The following DLGAP3 variants were observed in gnomAD, a reference collection of about 807,000 sequenced individuals.
DLGAP3 encodes the protein disks large-associated protein 3.
DLGAP3 carries 17 observed loss-of-function variants against 81.2 expected under a neutral mutation model. The ratio of observed to expected loss-of-function variants is 0.21; its 90% CI spans 0.14 to 0.31. The LOEUF (loss-of-function observed/expected upper bound fraction) is 0.31. Ranked by LOEUF, DLGAP3 falls within the 10% of genes least tolerant of loss-of-function variation. The probability of loss-of-function intolerance (pLI) is 1.00; values close to 1 mark genes in which losing one functional copy is unlikely to be tolerated. For missense variants in DLGAP3, 1,124 were observed against 1,388.0 expected, an observed-to-expected ratio of 0.81 and a Z score of 3.02; for synonymous variants, 577 against 587.4, an observed-to-expected ratio of 0.98 and a Z score of 0.26.
At chr1:34,879,676 T>C (rs1425505810) in intron 8 of DLGAP3, among the ~76,000 whole-genome samples, 3 of 151,848 alleles carry the variant, frequency 2.0e-5, no homozygotes, top group Non-Finnish European at 4.4e-5. Flanking sequence ...AAAAAATTCA[T>C]TTGAAAACTA....
At position 34,892,891 on chromosome 1, in the gene DLGAP3, G is replaced by A. The variant is rs145755991; in HGVS notation, c.1387-6606C>T. Among the ~76,000 whole-genome samples, 188 of 152,238 alleles carry A rather than the reference G, an allele frequency of 1.2e-3. 3 individuals carry two copies. The highest frequency in any genetic ancestry group is 3.8e-3 in the African/African-American group (159 of 41,558). On this transcript the variant is annotated intron_variant, in intron 5 of 11. Coordinates refer to ENST00000373347, the MANE Select transcript of DLGAP3 (RefSeq NM_001080418.3). Reference sequence around the variant, plus strand: ...TTTTCATCAAAAACAATGAACACACGGCCGGGCGCGGTGGCTCACGCCTGT... The same window carrying A: ...TTTTCATCAAAAACAATGAACACACAGCCGGGCGCGGTGGCTCACGCCTGT...
chr1:34,872,544 C>G (rs1173920093), intron 8 of DLGAP3, among the ~76,000 whole-genome samples: 1 of 152,188 alleles, frequency 6.6e-6, no homozygotes, highest in Non-Finnish European at 1.5e-5. Flanking sequence ...ACATCCTCAT[C>G]CCCAGAACCC....
chr1:34,892,110 T>G (rs1032052400), intron 5 of DLGAP3, among the ~76,000 whole-genome samples: 2 of 152,068 alleles, frequency 1.3e-5, no homozygotes, highest in African/African-American at 4.8e-5. Context: ...GCTTAAAGAT[T>G]TAAAGGAAAG....
At chr1:34,885,213 G>A in intron 7 of DLGAP3, 150 bp from the exon 8 acceptor site, 2 of 849,736 alleles carry the variant, frequency 2.4e-6, no homozygotes, top group Non-Finnish European at 3.8e-6. Flanking sequence ...CCAGGCGGTC[G>A]GTCACAGGCC....
In DLGAP3 at chr1:34,900,130, G is replaced by C; in HGVS notation, c.1251C>G (p.Pro417=). The C allele has an allele frequency of 1.2e-6, 2 of 1,614,038 alleles. No homozygotes were observed. The highest frequency in any genetic ancestry group is 1.7e-6 in the Non-Finnish European group (2 of 1,180,026). Residue 417 remains proline (P), a synonymous_variant, in exon 4 of 12, where the codon CCC becomes CCG. Transcript: ENST00000373347. The surrounding 1 kb of genome is among the most constrained non-coding windows in gnomAD (Gnocchi z 5.6). ...GDSDGSPKTS[P]KAVARRFTTR... ...TGGTGAAGCGTCGGGCGACTGCTTT[G>C]GGAGATGTCTTGGGGCTGCCGTCTG...
chr1:34,905,478 T>C (rs2148413028), intron 2 of DLGAP3, 44 bp from the exon 3 acceptor site: 1 of 1,356,186 alleles, frequency 7.4e-7, no homozygotes, highest in South Asian at 1.5e-5. Context: ...AACAGCCCTC[T>C]TCACCTAAAA....
Position 34,905,344 on chromosome 1 carries a change from G to C in DLGAP3, c.40C>G (p.Pro14Ala). The change falls in exon 3 of 12, where the codon CCA (proline) becomes GCA (alanine). Residue 14 changes from proline to alanine, a missense_variant. Coordinates refer to ENST00000373347, the MANE Select transcript of DLGAP3 (RefSeq NM_001080418.3). The stretch of plus-strand genomic sequence containing the variant: ...TGCTGTTGGTCAGCAAAGCGGGCTG[G>C]GCGGGGATGGCTGCCTCGGTCGCCA... ...YHGDRGSHPRPARFADQQHMD... is the reference protein window; with the variant it reads ...YHGDRGSHPRAARFADQQHMD... The C allele has an allele frequency of 6.4e-7, 1 of 1,557,538 alleles. No individual in the cohort carries two copies.
In DLGAP3 at chr1:34,887,807, G is replaced by C. The variant is rs546771950; in HGVS notation, c.1387-1522C>G. Among the ~76,000 whole-genome samples, 90 of 152,330 alleles carry C rather than the reference G, an allele frequency of 5.9e-4. 1 individual carries two copies. The South Asian group carries it at 0.016, about 27-fold the overall frequency. Reference sequence around the variant, plus strand: ...AAGTTTGGGGGCCTCAGTTTGCTCAGCTGTCAAATGGGAGTGATAATGGTA... The same window carrying C: ...AAGTTTGGGGGCCTCAGTTTGCTCACCTGTCAAATGGGAGTGATAATGGTA... On this transcript the variant is annotated intron_variant, in intron 5 of 11. Transcript: ENST00000373347.
chr1:34,926,063 A>C (rs1005064971), intron 1 of DLGAP3, among the ~76,000 whole-genome samples: 2 of 152,272 alleles, frequency 1.3e-5, no homozygotes, highest in Middle Eastern at 3.4e-3. Context: ...AGCCTGTATA[A>C]GTTTATACAA....
Position 34,867,467 on chromosome 1 carries a change from T to TCTCA in DLGAP3, c.2577+65_2577+68dup. On this transcript the variant is annotated intron_variant, in intron 10 of 11. Coordinates refer to ENST00000373347, the MANE Select transcript of DLGAP3 (RefSeq NM_001080418.3). This position sits in a 1 kb window ranked among gnomAD's most constrained non-coding sequence, Gnocchi z 4.3. ...ACACTCACTCTGGGTCACCTGCCTG[T>TCTCA]CTCACCTCCAGCACACACACACTCT... is the stretch of plus-strand genomic sequence containing the variant. The TCTCA allele has an allele frequency of 7.2e-7, 1 of 1,395,090 alleles. No individual in the cohort carries two copies. Among genetic ancestry groups the TCTCA allele is most frequent in the Non-Finnish European group, 1.0e-6 (1 of 980,080 alleles). 86.4% of individuals were successfully genotyped at this position (1,395,090 alleles called of 1,614,324 possible).
At chr1:34,882,562 A>G (rs1639162543) in intron 8 of DLGAP3, among the ~76,000 whole-genome samples, 1 of 152,216 alleles carries the variant, frequency 6.6e-6, no homozygotes, top group African/African-American at 2.4e-5. Context: ...AATGCAATAG[A>G]AGAAAAACAT....
At position 34,929,194 on chromosome 1, in the gene DLGAP3, C is replaced by T. The variant is rs1454792507; in HGVS notation, c.-135+257G>A. Among the ~76,000 whole-genome samples the T allele has an allele frequency of 6.6e-6, 1 of 151,756 alleles. No homozygotes were observed. The highest frequency in any genetic ancestry group is 1.5e-5 in the Non-Finnish European group (1 of 67,774). ...CTGGGCCGGGGCTGGCCTGTCCCCG[C>T]GGCCCTGACCGGGAGCGTGGGTCCG... On this transcript the variant is annotated intron_variant, in intron 1 of 11. Coordinates refer to ENST00000373347, the MANE Select transcript of DLGAP3 (RefSeq NM_001080418.3). The surrounding 1 kb of genome is among the most constrained non-coding windows in gnomAD (Gnocchi z 6.5).
chr1:34,909,062 C>T (rs1391962759), intron 1 of DLGAP3, among the ~76,000 whole-genome samples: 1 of 152,236 alleles, frequency 6.6e-6, no homozygotes, highest in Non-Finnish European at 1.5e-5. Context: ...ACTCACAGCA[C>T]AAAAGGCCAC....
intron 5 of DLGAP3, among the ~76,000 whole-genome samples, chr1:34,897,871 G>A (rs972158310): frequency 1.3e-5 from 2 of 152,162 alleles, no homozygotes; most frequent in Non-Finnish European, 2.9e-5. Context: ...TTGGAGGTGA[G>A]TTGTGAGAGA....
intron 7 of DLGAP3, 86 bp from the exon 8 acceptor site, chr1:34,885,149 C>G: frequency 7.6e-7 from 1 of 1,307,910 alleles, no homozygotes; most frequent in South Asian, 1.2e-5. Flanking sequence ...TGGCTGCGCC[C>G]CAAGCCAGCT....
At position 34,885,029 on chromosome 1, in the gene DLGAP3, C is replaced by T; in HGVS notation, c.1949G>A (p.Arg650Lys). The change falls in exon 8 of 12, where the codon AGG becomes AAG. Residue 650 changes from arginine (R) to lysine (K), a missense_variant. Physicochemically the swap from Arg to Lys is conservative, Grantham distance 26. Transcript: ENST00000373347. ...AATAGAGTGGAACTCCCTCCGGCTC[C>T]TGTTCTCGGTGTCCGAATCTGAGAT... is the stretch of plus-strand genomic sequence containing the variant. The part of the protein sequence containing the change: ...ETISDSDTEN[R>K]SRREFHSIGV... The T allele has an allele frequency of 6.2e-7, 1 of 1,613,636 alleles. No homozygotes were observed. The highest frequency in any genetic ancestry group is 8.5e-7 in the Non-Finnish European group (1 of 1,180,012).
intron 1 of DLGAP3, among the ~76,000 whole-genome samples, chr1:34,927,491 C>T (rs1336174727): frequency 6.6e-6 from 1 of 152,180 alleles, no homozygotes; most frequent in African/African-American, 2.4e-5. Context: ...ATGTGAGCCC[C>T]CTGGCACAAA....
intron 1 of DLGAP3, among the ~76,000 whole-genome samples, chr1:34,924,053 C>T (rs558406268): frequency 1.3e-5 from 2 of 152,262 alleles, no homozygotes; most frequent in South Asian, 4.2e-4. Context: ...GACTCATCTG[C>T]ATGTCCTGAC....
chr1:34,869,485 T>TA (rs1483526481), intron 8 of DLGAP3, among the ~76,000 whole-genome samples: 1 of 146,872 alleles, frequency 6.8e-6, no homozygotes. Flanking sequence ...TTTCAATTTT[T>TA]TTTTTTTTTT....
Sources: gnomAD v4.1 joint callset for allele counts (sites outside exome capture counted in the v4.1 genomes callset) on GRCh38, gnomAD v4.1.1 for gene constraint, Gnocchi (gnomAD v3.1) non-coding constraint, MANE v1.5 for transcripts, NCBI Gene and HGNC (gene_info 2026-07-23, HGNC 2026-07-21) for gene names.